SPOCD1: variants seen among roughly 807,000 people sequenced by gnomAD.
SPOCD1 encodes SPOC domain-containing protein 1.
Under a neutral mutation model 92.2 loss-of-function variants are expected in SPOCD1, and 64 were observed. The ratio of observed to expected loss-of-function variants is 0.69; its 90% CI spans 0.57 to 0.86. The LOEUF (loss-of-function observed/expected upper bound fraction) is 0.86, where lower values mean the gene tolerates loss of function less well. Ranked by LOEUF, SPOCD1 falls within the 40% of genes least tolerant of loss-of-function variation. The pLI is 0.00. For missense variants in SPOCD1, 1,360 were observed against 1,543.1 expected (o/e 0.88, Z 1.99); for synonymous variants, 578 against 619.3 (o/e 0.93, Z 0.99).
intron 10 of SPOCD1, 200 bp downstream of exon 10, chr1:31,796,390 G>A: frequency 1.3e-6 from 1 of 782,246 alleles, no homozygotes; most frequent in South Asian, 1.6e-5. Flanking sequence ...CAGTGACAAG[G>A]CGCTGGCAGG....
At chr1:31,791,654 G>A (rs903951454) in intron 15 of SPOCD1, among the ~76,000 whole-genome samples, 3 of 152,224 alleles carry the variant, frequency 2.0e-5, no homozygotes, top group Non-Finnish European at 4.4e-5. Flanking sequence ...GGCCCCCCGT[G>A]GCTGTGGCGA....
At chr1:31,815,409 G>C in intron 1 of SPOCD1, 37 bp from the exon 2 acceptor site, 1 of 1,435,718 alleles carries the variant, frequency 7.0e-7, no homozygotes, top group Non-Finnish European at 9.3e-7. Context: ...TTGTCTTGGA[G>C]AGTCCGACCT....
At chr1:31,800,727 A>C in intron 3 of SPOCD1, 110 bp from the exon 4 acceptor site, 1 of 968,310 alleles carries the variant, frequency 1.0e-6, no homozygotes, top group Non-Finnish European at 1.5e-6. Context: ...CTGGAGTGTA[A>C]GCTCCGTGAG....
chr1:31,805,638 G>C (rs908169513), intron 2 of SPOCD1, among the ~76,000 whole-genome samples: 1 of 151,900 alleles, frequency 6.6e-6, no homozygotes, highest in African/African-American at 2.4e-5. Context: ...TGAGGTGGGA[G>C]AATTGTGAGC....
rs35691769 is a variant in SPOCD1, at chr1:31,810,354, A to ATTTTT, written c.1383+3592_1383+3596dup. On this transcript the variant is annotated intron_variant, in intron 2 of 15. Coordinates refer to ENST00000360482, the MANE Select transcript of SPOCD1 (RefSeq NM_144569.7). ...AGTAAAATGGGGATATTAGTGTTGA[A>ATTTTT]TTTTTTTTTTTTTTTTTGAGACAGG... 1.9e-3 allele frequency among the ~76,000 whole-genome samples: 264 copies of ATTTTT among 137,942 alleles called. 3 individuals are homozygous for ATTTTT. Among genetic ancestry groups the ATTTTT allele is most frequent in the East Asian group, 0.013 (63 of 4,668 alleles). The allele number at this position is 137,942 out of a possible 152,430, so 90.5% of individuals were successfully genotyped here.
intron 2 of SPOCD1, among the ~76,000 whole-genome samples, chr1:31,807,873 T>A (rs1012867450): frequency 1.2e-4 from 18 of 152,266 alleles, no homozygotes. Flanking sequence ...AACATGCCAA[T>A]AAATTTGAAA....
At chr1:31,802,144 G>A (rs1648511282) in intron 2 of SPOCD1, among the ~76,000 whole-genome samples, 1 of 152,130 alleles carries the variant, frequency 6.6e-6, no homozygotes, top group African/African-American at 2.4e-5. Flanking sequence ...CTCCAACCTG[G>A]GTGACAGAGT....
At chr1:31,805,447 C>T (rs1032305368) in intron 2 of SPOCD1, among the ~76,000 whole-genome samples, 1 of 151,984 alleles carries the variant, frequency 6.6e-6, no homozygotes, top group African/African-American at 2.4e-5. Context: ...CAAAACAGGC[C>T]GGGTGCAGTG....
In SPOCD1 at chr1:31,814,571, G is replaced by A. The variant is rs1570215392; in HGVS notation, c.763C>T (p.Pro255Ser). 6.5e-6 allele frequency: 10 copies of A among 1,526,922 alleles called. No individual in the cohort carries two copies. In the East Asian group the frequency reaches 1.6e-4, roughly 24 times the overall value. 94.6% of individuals were successfully genotyped at this position (1,526,922 alleles called of 1,614,324 possible). ...QVADLESLGG[P>S]CRPPSPKDTG... Reference sequence around the variant, plus strand: ...TCTTTTGGAGAGGGAGGTCTGCAAGGGCCTCCCAAGGACTCCAGGTCAGCA... The same window carrying A: ...TCTTTTGGAGAGGGAGGTCTGCAAGAGCCTCCCAAGGACTCCAGGTCAGCA... The change falls in exon 2 of 16, where the codon CCT becomes TCT. Residue 255 changes from proline to serine, a missense_variant. By Grantham distance (74) the Pro-to-Ser change is moderately conservative. Coordinates refer to ENST00000360482, the MANE Select transcript of SPOCD1 (RefSeq NM_144569.7). The surrounding 1 kb of genome is among the most constrained non-coding windows in gnomAD (Gnocchi z 4.2).
In SPOCD1 at chr1:31,792,029, T is replaced by C; in HGVS notation, c.2962+186A>G. 4.7e-6 allele frequency: 3 copies of C among 644,026 alleles called. No individual in the cohort carries two copies. In the South Asian group the frequency reaches 5.9e-5, roughly 13 times the overall value. The allele number at this position is 644,026 out of a possible 1,614,324, so 39.9% of individuals were successfully genotyped here. On this transcript the variant is annotated intron_variant, in intron 15 of 15. Transcript: ENST00000360482. ...CATCTAGGTAAAGCTTTTAGAACAA[T>C]GGCTGGCATGCAGTTCATGATATCC...
chr1:31,797,705 TG>T (rs1426890729), intron 9 of SPOCD1, among the ~76,000 whole-genome samples: 2 of 152,186 alleles, frequency 1.3e-5, no homozygotes, highest in Non-Finnish European at 2.9e-5. Flanking sequence ...CTCCAAAGCC[TG>T]CTCAGTGCCA....
At position 31,814,516 on chromosome 1, in the gene SPOCD1, C is replaced by A; in HGVS notation, c.818G>T (p.Gly273Val). The A allele has an allele frequency of 6.5e-7, 1 of 1,539,468 alleles. No individual in the cohort carries two copies. Among genetic ancestry groups the A allele is most frequent in the South Asian group, 1.3e-5 (1 of 79,162 alleles). ...DTGSGPGEPGGSGAGCASGTE... is the reference protein window; with the variant it reads ...DTGSGPGEPGVSGAGCASGTE... ...CCCTGAGGCACATCCTGCCCCACTT[C>A]CACCTGGCTCTCCAGGCCCAGACCC... Residue 273 changes from glycine to valine, a missense_variant, in exon 2 of 16, where the codon GGA becomes GTA. This residue lies in a region of SPOCD1 where 606 missense variants were observed against 601.5 expected (regional missense o/e 1.01). Transcript: ENST00000360482. This position sits in a 1 kb window ranked among gnomAD's most constrained non-coding sequence, Gnocchi z 4.2.
intron 2 of SPOCD1, among the ~76,000 whole-genome samples, chr1:31,803,191 T>C (rs902312864): frequency 3.3e-5 from 5 of 151,746 alleles, no homozygotes; most frequent in Non-Finnish European, 4.4e-5. Flanking sequence ...ATACAAACTA[T>C]GTATGTATAA....
intron 4 of SPOCD1, 60 bp downstream of exon 4, chr1:31,800,381 G>T: frequency 6.7e-7 from 1 of 1,481,580 alleles, no homozygotes; most frequent in East Asian, 2.5e-5. Flanking sequence ...TGACATCTCT[G>T]TGAATCAGGT....
chr1:31,812,273 T>C (rs1398531352), intron 2 of SPOCD1, among the ~76,000 whole-genome samples: 3 of 152,180 alleles, frequency 2.0e-5, no homozygotes, highest in East Asian at 3.8e-4. Context: ...TGTTAGCCTA[T>C]TGGCCTCCAG....
chr1:31,809,357 A>T (rs1235549711), intron 2 of SPOCD1, among the ~76,000 whole-genome samples: 1 of 152,144 alleles, frequency 6.6e-6, no homozygotes, highest in African/African-American at 2.4e-5. Context: ...TACACTGCTG[A>T]TGGGGGTGTA....
At chr1:31,800,941 CTCT>C (rs1283948184) in intron 3 of SPOCD1, among the ~76,000 whole-genome samples, 3 of 152,218 alleles carry the variant, frequency 2.0e-5, no homozygotes, top group African/African-American at 4.8e-5. Context: ...GACCCTCTCA[CTCT>C]TCTTCTGACC....
intron 2 of SPOCD1, among the ~76,000 whole-genome samples, chr1:31,812,449 G>C (rs1364950994): frequency 1.3e-5 from 2 of 152,176 alleles, no homozygotes; most frequent in African/African-American, 2.4e-5. Flanking sequence ...CACTGGGAAA[G>C]ACCTTCAAAT....
chr1:31,811,382 C>G (rs1649186253), intron 2 of SPOCD1, among the ~76,000 whole-genome samples: 1 of 151,790 alleles, frequency 6.6e-6, no homozygotes, highest in Admixed American at 6.6e-5. Context: ...CCCTTGAAAC[C>G]AGGAGGCAAA....
Sources: gnomAD v4.1 joint callset for allele counts (sites outside exome capture counted in the v4.1 genomes callset) on GRCh38, gnomAD v4.1.1 for gene constraint, gnomAD v4.1.1 regional missense constraint, Gnocchi (gnomAD v3.1) non-coding constraint, MANE v1.5 for transcripts, NCBI Gene and HGNC (gene_info 2026-07-23, HGNC 2026-07-21) for gene names.